Variants in JHY observed in about 807,000 individuals in gnomAD.
JHY encodes the protein junctional cadherin complex regulator.
Under a neutral mutation model 78.0 loss-of-function variants are expected in JHY, and 69 were observed. The observed-to-expected ratio is 0.88, with a 90% confidence interval of 0.73 to 1.08. The LOEUF (loss-of-function observed/expected upper bound fraction) is 1.08. Among genes scored for constraint, JHY ranks in the 50% least tolerant of loss-of-function variants. The pLI, the probability that JHY is intolerant of heterozygous loss-of-function variation, is 0.00. For synonymous variants in JHY, 368 were observed against 342.6 expected (o/e 1.07, Z -0.82); for missense variants, 944 against 927.8 (o/e 1.02, Z -0.23).
rs140780410 is a variant in JHY, at chr11:122,932,801, C to T, written c.979-1619C>T. On this transcript the variant is annotated intron_variant, in intron 4 of 8. Coordinates refer to ENST00000227349, the MANE Select transcript of JHY (RefSeq NM_024806.4). ...CTATGTATTTGCAGAGCCTTCCTGCCCGCATTTCCCCATGCAGCTCAATTT... is the reference window on the plus strand; with the variant it reads ...CTATGTATTTGCAGAGCCTTCCTGCTCGCATTTCCCCATGCAGCTCAATTT... Among the ~76,000 whole-genome samples the T allele has an allele frequency of 1.7e-3, 259 of 152,174 alleles. 1 individual carries two copies. The highest frequency in any genetic ancestry group is 5.9e-3 in the African/African-American group (246 of 41,520).
In JHY at chr11:122,924,893, C is replaced by T; in HGVS notation, c.865-4C>T. 1 of 1,608,100 alleles carries T rather than the reference C, an allele frequency of 6.2e-7. No homozygotes were observed. The highest frequency in any genetic ancestry group is 2.2e-5 in the East Asian group (1 of 44,828). On this transcript the variant is annotated splice_polypyrimidine_tract_variant and splice_region_variant and intron_variant, in intron 3 of 8. Transcript: ENST00000227349. ...AACATGCTGTATGTGTTTTACCTACCTAGATCTCCTACCCCGTCAGAGTAA... is the reference window on the plus strand; with the variant it reads ...AACATGCTGTATGTGTTTTACCTACTTAGATCTCCTACCCCGTCAGAGTAA...
chr11:122,934,884 A>C lies in JHY; in HGVS notation c.1443A>C (p.Ser481=). The C allele has an allele frequency of 6.2e-7, 1 of 1,614,050 alleles. No individual in the cohort carries two copies. The highest frequency in any genetic ancestry group is 1.6e-4 in the Middle Eastern group (1 of 6,062). ...AAGACCAAGAAGAGAAAAGATTTTC[A>C]TATCAGCAGCTACACACCCTTTCTG... ...GHKDQEEKRF[S]YQQLHTLSDM... Residue 481 remains serine, a synonymous_variant, in exon 5 of 9, where the codon TCA becomes TCC. Transcript: ENST00000227349.
At chr11:122,942,426 C>T (rs1359607129) in intron 5 of JHY, among the ~76,000 whole-genome samples, 1 of 151,696 alleles carries the variant, frequency 6.6e-6, no homozygotes, top group Non-Finnish European at 1.5e-5. Flanking sequence ...TTCTTAACTT[C>T]TGTTATTTAT....
intron 3 of JHY, among the ~76,000 whole-genome samples, chr11:122,910,384 T>C (rs1285573995): frequency 6.6e-6 from 1 of 151,842 alleles, no homozygotes; most frequent in Non-Finnish European, 1.5e-5. Flanking sequence ...CCCATGAGAA[T>C]TGTCTGAGCT....
chr11:122,958,968 A>T (rs569991278), intron 8 of JHY: 1 of 985,416 alleles, frequency 1.0e-6, no homozygotes, highest in Non-Finnish European at 1.2e-6. Flanking sequence ...AAGAAGGAAC[A>T]CTTGAAGGAA....
chr11:122,905,364 A>G, intron 3 of JHY: 1 of 1,522,784 alleles, frequency 6.6e-7, no homozygotes, highest in South Asian at 1.3e-5. Flanking sequence ...CTTGAGATTT[A>G]TCACCTGCTA....
At chr11:122,905,375 A>G in intron 3 of JHY, 1 of 1,501,342 alleles carries the variant, frequency 6.7e-7, no homozygotes, top group Non-Finnish European at 8.9e-7. Context: ...TCACCTGCTA[A>G]TGTGAGGTCA....
rs1227430283 is a variant in JHY at position 122,963,650 on chromosome 11, A to G, written c.*4205A>G. Among the ~76,000 whole-genome samples, 1 of 152,168 alleles carries G rather than the reference A, an allele frequency of 6.6e-6. No individual in the cohort carries two copies. Among genetic ancestry groups the G allele is most frequent in the East Asian group, 1.9e-4 (1 of 5,200 alleles). On this transcript the variant is annotated 3_prime_UTR_variant, in exon 9 of 9. Coordinates refer to ENST00000227349, the MANE Select transcript of JHY (RefSeq NM_024806.4). Reference sequence around the variant, plus strand: ...ACAATAGTGATCTTTTATAGGCCCAAGTTGGATCAGTGATCAATTCATAGC... The same window carrying G: ...ACAATAGTGATCTTTTATAGGCCCAGGTTGGATCAGTGATCAATTCATAGC...
rs1344577207 is a variant in JHY, at chr11:122,883,876, G to A, written c.-90+904G>A. On this transcript the variant is annotated intron_variant, in intron 1 of 8. Transcript: ENST00000227349. This position sits in a 1 kb window ranked among gnomAD's most constrained non-coding sequence, Gnocchi z 4.4. ...TTCATTTAAGAAGAGAAGTTCAAGG[G>A]ACTGAATTATTTTAAGAGTAATTCT... is the stretch of plus-strand genomic sequence containing the variant. Among the ~76,000 whole-genome samples the A allele has an allele frequency of 6.6e-6, 1 of 152,160 alleles. No individual in the cohort carries two copies. Among genetic ancestry groups the A allele is most frequent in the African/African-American group, 2.4e-5 (1 of 41,428 alleles).
chr11:122,893,110 AC>A (rs1862661133), intron 2 of JHY, among the ~76,000 whole-genome samples: 1 of 152,200 alleles, frequency 6.6e-6, no homozygotes, highest in African/African-American at 2.4e-5. Flanking sequence ...ACAATACATT[AC>A]ACTACCTGCC....
At chr11:122,914,891 AATTTCAGTTGAACTTTATGATTT>A (rs1240607925) in intron 3 of JHY, among the ~76,000 whole-genome samples, 10 of 152,110 alleles carry the variant, frequency 6.6e-5, no homozygotes, top group African/African-American at 2.2e-4. Flanking sequence ...ATGACAGCAT[AATTTCAGTTGAACTTTATGATTT>A]TTTTCAATAC....
rs1255248799 is a variant in JHY, at chr11:122,946,481, T to C, written c.1635-17T>C. On this transcript the variant is annotated splice_polypyrimidine_tract_variant and intron_variant, in intron 5 of 8. Coordinates refer to ENST00000227349, the MANE Select transcript of JHY (RefSeq NM_024806.4). Reference sequence around the variant, plus strand: ...GGATTTTATTAATAGATTTGTGCCTTTTTTTTTTTCATTAAGGAAATTCCA... The same window carrying C: ...GGATTTTATTAATAGATTTGTGCCTCTTTTTTTTTCATTAAGGAAATTCCA... 2 of 1,442,070 alleles carry C rather than the reference T, an allele frequency of 1.4e-6. No individual in the cohort carries two copies. The highest frequency in any genetic ancestry group is 1.9e-6 in the Non-Finnish European group (2 of 1,074,572). 89.3% of individuals were successfully genotyped at this position (1,442,070 alleles called of 1,614,324 possible).
chr11:122,955,917 C>A (rs1007355641), intron 6 of JHY, among the ~76,000 whole-genome samples: 2 of 152,158 alleles, frequency 1.3e-5, no homozygotes, highest in Non-Finnish European at 2.9e-5. Context: ...TACCTTCTTC[C>A]AGGGAAGTCA....
rs116123295 is a variant in JHY, at chr11:122,959,567, G to A, written c.*122G>A. On this transcript the variant is annotated 3_prime_UTR_variant, in exon 9 of 9. Transcript: ENST00000227349. ...TTATTATCATCTATCTGCCGTCCAT[G>A]TTTGCTTTCTGCAGGATTTAAAATA... 3.8e-3 allele frequency: 3,487 copies of A among 919,552 alleles called. 77 individuals are homozygous for A. The African/African-American group carries it at 0.051, about 13-fold the overall frequency. 57.0% of individuals were successfully genotyped at this position (919,552 alleles called of 1,614,324 possible).
intron 3 of JHY, among the ~76,000 whole-genome samples, chr11:122,924,498 G>A (rs573343021): frequency 5.0e-4 from 76 of 152,198 alleles, no homozygotes; most frequent in Non-Finnish European, 8.7e-4. Flanking sequence ...CATTCCATGT[G>A]TAGAAAACAT....
At chr11:122,951,213 T>C (rs1864077803) in intron 6 of JHY, among the ~76,000 whole-genome samples, 1 of 152,192 alleles carries the variant, frequency 6.6e-6, no homozygotes, top group Admixed American at 6.5e-5. Flanking sequence ...TCCTGACAGC[T>C]CTGTTGTAAC....
Position 122,963,061 on chromosome 11 carries a change from A to G in JHY, c.*3616A>G, listed in dbSNP as rs1002948651. On this transcript the variant is annotated 3_prime_UTR_variant, in exon 9 of 9. Coordinates refer to ENST00000227349, the MANE Select transcript of JHY (RefSeq NM_024806.4). ...ACCTAATAGTTTTTTAGCATGTACA[A>G]TCTGCCAACTTCCTTACAACATTGA... 6.6e-6 allele frequency among the ~76,000 whole-genome samples: 1 copy of G among 152,206 alleles called. No homozygotes were observed. The highest frequency in any genetic ancestry group is 6.5e-5 in the Admixed American group (1 of 15,272).
intron 3 of JHY, among the ~76,000 whole-genome samples, chr11:122,916,934 C>A (rs111649128): frequency 6.6e-6 from 1 of 152,118 alleles, no homozygotes; most frequent in Non-Finnish European, 1.5e-5. Context: ...TGGCCATAAT[C>A]GCTAGGTTTT....
Position 122,886,090 on chromosome 11 carries a change from C to T in JHY, c.241C>T (p.Arg81Ter), listed in dbSNP as rs549723158. 5.0e-5 allele frequency: 81 copies of T among 1,613,946 alleles called. No homozygotes were observed. The highest frequency in any genetic ancestry group is 6.5e-5 in the Non-Finnish European group (77 of 1,180,052). ...PDSLDEEESP[R>*]WGSLHEMEEE... The stretch of plus-strand genomic sequence containing the variant: ...CAGCTTAGACGAGGAGGAAAGCCCT[C>T]GATGGGGAAGCCTGCACGAGATGGA... The change falls in exon 2 of 9, where the codon CGA (arginine) becomes TGA (stop). Residue 81 changes from arginine to a stop codon, truncating the protein, a stop_gained. Coordinates refer to ENST00000227349, the MANE Select transcript of JHY (RefSeq NM_024806.4). LOFTEE classifies it high-confidence loss of function.
Sources: gnomAD v4.1 joint callset for allele counts (sites outside exome capture counted in the v4.1 genomes callset) on GRCh38, gnomAD v4.1.1 for gene constraint, Gnocchi (gnomAD v3.1) non-coding constraint, MANE v1.5 for transcripts, NCBI Gene and HGNC (gene_info 2026-07-23, HGNC 2026-07-21) for gene names.